PLA2G7: variants seen among roughly 807,000 people sequenced by gnomAD.
The protein encoded by PLA2G7 is platelet-activating factor acetylhydrolase.
In PLA2G7, 63 loss-of-function variants were observed where a neutral mutation model predicts 49.6. That is an observed-to-expected ratio of 1.27 (90% CI 1.04 to 1.57). The LOEUF (loss-of-function observed/expected upper bound fraction) is 1.57. Ranked by LOEUF, PLA2G7 falls within the 40% of genes most tolerant of loss-of-function variation. PLA2G7 has a pLI of 0.00. For missense variants in PLA2G7, 596 were observed against 521.2 expected (o/e 1.14, Z -1.40); for synonymous variants, 193 against 169.9 (o/e 1.14, Z -1.06).
rs1170971084 is a variant in PLA2G7, at chr6:46,705,292, G to A, written c.1050C>T (p.Val350=). ...ERKMITIRGS[V]HQNFADFTFA... is the part of the protein sequence containing the mutation. Reference sequence around the variant, plus strand: ...AAGTGAAGTCAGCAAAATTCTGGTGGACTGAACCCCTAAAAGAGAACAAGA... The same window carrying A: ...AAGTGAAGTCAGCAAAATTCTGGTGAACTGAACCCCTAAAAGAGAACAAGA... Residue 350 remains valine, a synonymous_variant, in exon 11 of 12, where the codon GTC becomes GTT. Coordinates refer to ENST00000274793, the MANE Select transcript of PLA2G7 (RefSeq NM_005084.4). 6.2e-7 allele frequency: 1 copy of A among 1,611,434 alleles called. No individual in the cohort carries two copies. Among genetic ancestry groups the A allele is most frequent in the South Asian group, 1.1e-5 (1 of 91,008 alleles).
intron 2 of PLA2G7, among the ~76,000 whole-genome samples, chr6:46,721,017 T>A (rs1765382161): frequency 6.6e-6 from 1 of 152,188 alleles, no homozygotes; most frequent in Non-Finnish European, 1.5e-5. Flanking sequence ...CTGTTTCTAA[T>A]ACTTTAAACC....
intron 11 of PLA2G7, 103 bp from the exon 12 acceptor site, chr6:46,704,799 G>C: frequency 1.3e-6 from 1 of 746,244 alleles, no homozygotes; most frequent in South Asian, 1.6e-5. Context: ...CACAAGTTCC[G>C]TTAGGATGGT....
chr6:46,723,836 CG>C (rs757585007), intron 1 of PLA2G7, among the ~76,000 whole-genome samples: 10 of 152,126 alleles, frequency 6.6e-5, no homozygotes, highest in Non-Finnish European at 1.5e-4. Context: ...TTATATGTTA[CG>C]GGGGAGAAGC....
At position 46,709,336 on chromosome 6, in the gene PLA2G7, T is replaced by G; in HGVS notation, c.860A>C (p.Gln287Pro). ...ATVIQTLSED[Q>P]RFRCGIALDA... ...TATCTTATTTTCTTACCTGAATCTC[T>G]GATCTTCACTAAGAGTCTGAATAAC... The change falls in exon 9 of 12, where the codon CAG becomes CCG. Residue 287 changes from glutamine to proline, a missense_variant. By Grantham distance (76) the Gln-to-Pro change is moderately conservative. Transcript: ENST00000274793. 1 of 1,573,132 alleles carries G rather than the reference T, an allele frequency of 6.4e-7. No homozygotes were observed. The highest frequency in any genetic ancestry group is 8.7e-7 in the Non-Finnish European group (1 of 1,143,164).
intron 9 of PLA2G7, 30 bp downstream of exon 9, chr6:46,709,297 T>C (rs1468610451): frequency 1.4e-5 from 16 of 1,184,210 alleles, no homozygotes; most frequent in Non-Finnish European, 2.0e-5. Flanking sequence ...TAATTTACTA[T>C]TCTCTTGCTT....
At chr6:46,714,711 C>T (rs1765142191) in intron 4 of PLA2G7, among the ~76,000 whole-genome samples, 158 bp from the exon 5 acceptor site, 1 of 146,916 alleles carries the variant, frequency 6.8e-6, no homozygotes, top group Non-Finnish European at 1.5e-5. Flanking sequence ...ACTAGATACC[C>T]ACCAACCAAA....
intron 1 of PLA2G7, among the ~76,000 whole-genome samples, chr6:46,734,431 A>T (rs1242042754): frequency 0.22 from 1,240 of 5,678 alleles, 183 homozygotes; most frequent in South Asian, 0.4. Flanking sequence ...AGAGAGAGAG[A>T]GAGAGAGAGA....
chr6:46,718,316 G>T (rs887695398), intron 2 of PLA2G7, among the ~76,000 whole-genome samples: 1 of 151,802 alleles, frequency 6.6e-6, no homozygotes, highest in African/African-American at 2.4e-5. Flanking sequence ...TTGGAAGGCA[G>T]TTTGTAGGAG....
chr6:46,714,401 A>T (rs1282387130), intron 5 of PLA2G7, 59 bp downstream of exon 5: 1 of 1,006,244 alleles, frequency 9.9e-7, no homozygotes, highest in Non-Finnish European at 1.6e-6. Flanking sequence ...TTCTTTCTTG[A>T]ATAAAAAAAT....
intron 9 of PLA2G7, 146 bp downstream of exon 9, chr6:46,709,181 A>T: frequency 4.9e-6 from 3 of 617,092 alleles, no homozygotes; most frequent in Non-Finnish European, 8.6e-6. Flanking sequence ...AAATGTATAT[A>T]GAGTATTTTA....
intron 2 of PLA2G7, among the ~76,000 whole-genome samples, chr6:46,718,928 G>A (rs947055744): frequency 2.6e-5 from 4 of 152,170 alleles, no homozygotes; most frequent in Non-Finnish European, 5.9e-5. Flanking sequence ...TAACTTGAAT[G>A]GCCACTGGTC....
intron 1 of PLA2G7, among the ~76,000 whole-genome samples, chr6:46,725,975 G>T (rs1765563088): frequency 6.6e-6 from 1 of 152,356 alleles, no homozygotes; most frequent in South Asian, 2.1e-4. Flanking sequence ...CTATTTTTAT[G>T]CATAGGTTCA....
intron 1 of PLA2G7, among the ~76,000 whole-genome samples, chr6:46,724,563 C>T (rs1411160587): frequency 1.3e-5 from 2 of 152,190 alleles, no homozygotes; most frequent in Non-Finnish European, 2.9e-5. Context: ...ATTTCTTAGC[C>T]GCCCCTGTGG....
At position 46,712,334 on chromosome 6, in the gene PLA2G7, T is replaced by G. The variant is rs975680476; in HGVS notation, c.474A>C (p.Thr158=). 1.9e-6 allele frequency: 3 copies of G among 1,610,166 alleles called. No homozygotes were observed. Among genetic ancestry groups the G allele is most frequent in the Middle Eastern group, 1.7e-4 (1 of 6,054 alleles). The part of the protein sequence containing the change: ...VFSHGLGAFR[T]LYSAIGIDLA... ...GGTCAATGCCAATAGCAGAATAAAG[T>G]GTCCTTCAAAACAAAAAGAGGGAAG... The change falls in exon 6 of 12, where the codon ACA becomes ACC. Residue 158 remains threonine, a synonymous_variant. Transcript: ENST00000274793.
intron 1 of PLA2G7, among the ~76,000 whole-genome samples, chr6:46,731,654 A>G (rs1330953561): frequency 6.6e-6 from 1 of 152,240 alleles, no homozygotes; most frequent in East Asian, 1.9e-4. Flanking sequence ...TGAAAATAAT[A>G]TAATAAGACA....
chr6:46,719,217 G>A (rs182837563), intron 2 of PLA2G7, among the ~76,000 whole-genome samples: 77 of 152,294 alleles, frequency 5.1e-4, no homozygotes, highest in Non-Finnish European at 7.2e-4. Context: ...TAGATAAAGC[G>A]TCTGCATCAA....
Position 46,711,547 on chromosome 6 carries a change from G to C in PLA2G7, c.612C>G (p.Leu204=). The C allele has an allele frequency of 6.2e-7, 1 of 1,613,752 alleles. No homozygotes were observed. Among genetic ancestry groups the C allele is most frequent in the African/African-American group, 1.3e-5 (1 of 75,038 alleles). The part of the protein sequence containing the change: ...SAAEIGDKSW[L]YLRTLKQEEE... ...CCTCTTGTTTCAGGGTTCTAAGGTA[G>C]AGCCAAGACTTGTCCCCTATTTCTG... Residue 204 remains leucine (L), a synonymous_variant, in exon 7 of 12, where the codon CTC becomes CTG. Transcript: ENST00000274793.
chr6:46,713,896 A>G (rs1467122717), intron 5 of PLA2G7, among the ~76,000 whole-genome samples: 1 of 152,180 alleles, frequency 6.6e-6, no homozygotes, highest in Non-Finnish European at 1.5e-5. Flanking sequence ...GCCCATTCCT[A>G]TGAGATACAG....
At chr6:46,709,195 G>A (rs1276353011) in intron 9 of PLA2G7, 132 bp downstream of exon 9, 1 of 645,728 alleles carries the variant, frequency 1.5e-6, no homozygotes, top group African/African-American at 1.8e-5. Flanking sequence ...TATTTTATGG[G>A]GGCAAAAGAA....
Sources: allele counts gnomAD v4.1 joint callset (sites outside exome capture counted in the v4.1 genomes callset), GRCh38; gene constraint gnomAD v4.1.1; transcripts MANE v1.5; gene names NCBI Gene and HGNC (gene_info 2026-07-23, HGNC 2026-07-21).